Variants in AP4M1 observed in about 807,000 individuals in gnomAD.
The protein encoded by AP4M1 is AP-4 complex subunit mu-1.
In AP4M1, 58 loss-of-function variants were observed where a neutral mutation model predicts 62.4. The observed-to-expected ratio is 0.93, with a 90% CI of 0.75 to 1.16. AP4M1 has a LOEUF of 1.16. Ranked by LOEUF, AP4M1 falls within the 50% of genes most tolerant of loss-of-function variation. The probability of loss-of-function intolerance (pLI) is 0.00; values close to 1 mark genes in which losing one functional copy is unlikely to be tolerated. For missense variants in AP4M1, 626 were observed against 585.4 expected, an observed-to-expected ratio of 1.07 and a Z score of -0.72; for synonymous variants, 290 against 239.7, an observed-to-expected ratio of 1.21 and a Z score of -1.94.
rs771859802 is a variant in AP4M1, at chr7:100,104,899, A to C, written c.632A>C (p.Gln211Pro). The stretch of plus-strand genomic sequence containing the variant: ...GGATCCCTGCTGAAGGTGGATGTGC[A>C]GGGAGAGATTCGGCTCAAGAGCTTC... The part of the protein sequence containing the change: ...SNGSLLKVDV[Q>P]GEIRLKSFLP... Residue 211 changes from glutamine (Q) to proline (P), a missense_variant, in exon 8 of 15, where the codon CAG (glutamine) becomes CCG (proline). Gln to Pro is a moderately conservative substitution (Grantham distance 76, BLOSUM62 -1). Coordinates refer to ENST00000359593, the MANE Select transcript of AP4M1 (RefSeq NM_004722.4). 1.9e-6 allele frequency: 3 copies of C among 1,614,174 alleles called. No homozygotes were observed. In the Admixed American group the frequency reaches 5.0e-5, roughly 27 times the overall value.
At chr7:100,101,802 GCGGAGGGGCC>G in intron 1 of AP4M1, 30 bp downstream of exon 1, 1 of 1,611,444 alleles carries the variant, frequency 6.2e-7, no homozygotes, top group Non-Finnish European at 8.5e-7. Context: ...CTGGGAAGGG[GCGGAGGGGCC>G]GGGCGGGAGG....
In AP4M1 at chr7:100,101,986, G is replaced by T; in HGVS notation, c.147+18G>T. On this transcript the variant is annotated intron_variant, in intron 2 of 14. Coordinates refer to ENST00000359593, the MANE Select transcript of AP4M1 (RefSeq NM_004722.4). ...TTGTCATGGTAACCAGTGGCGGGAG[G>T]CGGGTGAGGAGCGGGGTCCCGTCGG... The T allele has an allele frequency of 6.2e-7, 1 of 1,612,794 alleles. No individual in the cohort carries two copies. Among genetic ancestry groups the T allele is most frequent in the Middle Eastern group, 1.7e-4 (1 of 6,048 alleles).
At chr7:100,103,160 C>G in intron 4 of AP4M1, 200 bp downstream of exon 4, 1 of 646,390 alleles carries the variant, frequency 1.5e-6, no homozygotes, top group Non-Finnish European at 2.7e-6. Flanking sequence ...CAGCCTGGAA[C>G]TCCTGGGCTC....
Position 100,103,393 on chromosome 7 carries a change from C to T in AP4M1, c.352-16C>T. The T allele has an allele frequency of 1.9e-6, 3 of 1,608,226 alleles. No individual in the cohort carries two copies. Among genetic ancestry groups the T allele is most frequent in the Non-Finnish European group, 2.6e-6 (3 of 1,174,778 alleles). On this transcript the variant is annotated splice_polypyrimidine_tract_variant and intron_variant, in intron 4 of 14. Transcript: ENST00000359593. ...CCCTCCACTGATCACTCAGACTGTC[C>T]TTCCTTTACCACTAGGACTATGGCT...
At chr7:100,104,291 GAGA>G in intron 7 of AP4M1, 137 bp downstream of exon 7, 1 of 781,124 alleles carries the variant, frequency 1.3e-6, no homozygotes, top group Non-Finnish European at 2.2e-6. Flanking sequence ...GCCGAGGTGG[GAGA>G]ATTACTTGGG....
At chr7:100,102,396 A>C in intron 2 of AP4M1, 3 of 428,826 alleles carry the variant, frequency 7.0e-6, no homozygotes, top group Non-Finnish European at 1.3e-5. Flanking sequence ...CTCTCGGGGT[A>C]GGTGGGGGTG....
At chr7:100,106,363 G>A (rs1445154932) in intron 13 of AP4M1, 40 bp from the exon 14 acceptor site, 2 of 1,613,020 alleles carry the variant, frequency 1.2e-6, no homozygotes, top group Admixed American at 3.3e-5. Context: ...TCTGCCTCAA[G>A]AAGGTGCCAA....
In AP4M1 at chr7:100,105,362, G is replaced by A. The variant is rs953631200; in HGVS notation, c.834+16G>A. 1 of 1,613,828 alleles carries A rather than the reference G, an allele frequency of 6.2e-7. No homozygotes were observed. Among genetic ancestry groups the A allele is most frequent in the Non-Finnish European group, 8.5e-7 (1 of 1,179,754 alleles). ...TCAGGGCGAGGTCAGGGTTGGGGTG[G>A]CCTCATAAATTCCGTCCACCATGGG... On this transcript the variant is annotated intron_variant, in intron 10 of 14. Coordinates refer to ENST00000359593, the MANE Select transcript of AP4M1 (RefSeq NM_004722.4).
At chr7:100,101,007 C>T, upstream of AP4M1, 4 of 827,352 alleles carry the variant, frequency 4.8e-6, no homozygotes, top group Admixed American at 6.3e-5. Context: ...GCCGGGTTAG[C>T]GCGCCCCCAA....
upstream of AP4M1, chr7:100,101,504 C>A: frequency 1.3e-6 from 1 of 795,126 alleles, no homozygotes; most frequent in Non-Finnish European, 2.1e-6. Context: ...ACCGTGCGGG[C>A]CTAGAATGAG....
At chr7:100,105,374 C>T in intron 10 of AP4M1, 28 bp downstream of exon 10, 1 of 1,613,194 alleles carries the variant, frequency 6.2e-7, no homozygotes, top group Non-Finnish European at 8.5e-7. Context: ...CTCATAAATT[C>T]CGTCCACCAT....
rs1409010600 is a variant in AP4M1 at position 100,105,551 on chromosome 7, T to G, written c.929+12T>G. ...CGAGGCTCAGGCCGGTGAGACAATT[T>G]CCTGGGTTCTAGAACTACCTTGGAA... On this transcript the variant is annotated intron_variant, in intron 11 of 14. Coordinates refer to ENST00000359593, the MANE Select transcript of AP4M1 (RefSeq NM_004722.4). 1 of 1,609,130 alleles carries G rather than the reference T, an allele frequency of 6.2e-7. No individual in the cohort carries two copies. Among genetic ancestry groups the G allele is most frequent in the Non-Finnish European group, 8.5e-7 (1 of 1,177,910 alleles).
Position 100,105,461 on chromosome 7 carries a change from A to G in AP4M1, c.851A>G (p.Tyr284Cys). ...GTCTCTCAGCTGACTGTGATGCGGT[A>G]CCAACTCTCCGATGACCTCCCCTCA... ...PPQGELTVMR[Y>C]QLSDDLPSPL... Residue 284 changes from tyrosine to cysteine, a missense_variant, in exon 11 of 15, where the codon TAC becomes TGC. Coordinates refer to ENST00000359593, the MANE Select transcript of AP4M1 (RefSeq NM_004722.4). 6 of 1,614,100 alleles carry G rather than the reference A, an allele frequency of 3.7e-6. No individual in the cohort carries two copies. Among genetic ancestry groups the G allele is most frequent in the Non-Finnish European group, 5.1e-6 (6 of 1,180,010 alleles).
Position 100,101,962 on chromosome 7 carries a change from TG to T in AP4M1, c.142del (p.Val48SerfsTer33), listed in dbSNP as rs764326593. On this transcript the variant is annotated frameshift_variant, in exon 2 of 15. Coordinates refer to ENST00000359593, the MANE Select transcript of AP4M1 (RefSeq NM_004722.4). LOFTEE classifies it high-confidence loss of function. ...TGLPGDESPVVMHHHGRHFIH... is the reference protein window; with the variant it reads ...TGLPGDESPVXMHHHGRHFIH... Reference sequence around the variant, plus strand: ...GACTGCCAGGAGACGAGTCCCCGGTTGTCATGGTAACCAGTGGCGGGAGGCG... The same window carrying T: ...GACTGCCAGGAGACGAGTCCCCGGTTTCATGGTAACCAGTGGCGGGAGGCG... 1.7e-5 allele frequency: 28 copies of T among 1,613,046 alleles called. No individual in the cohort carries two copies. The highest frequency in any genetic ancestry group is 2.4e-5 in the Non-Finnish European group (28 of 1,179,914).
intron 6 of AP4M1, 137 bp downstream of exon 6, chr7:100,103,829 G>C: frequency 1.1e-6 from 1 of 917,496 alleles, no homozygotes; most frequent in South Asian, 1.3e-5. Flanking sequence ...ATCACCTGAT[G>C]CCAGGAGTTT....
rs1796284845 is a variant in AP4M1 at position 100,104,174 on chromosome 7, C to T, written c.606+20C>T. 8 of 1,608,978 alleles carry T rather than the reference C, an allele frequency of 5.0e-6. No individual in the cohort carries two copies. The highest frequency in any genetic ancestry group is 6.0e-6 in the Non-Finnish European group (7 of 1,175,624). On this transcript the variant is annotated intron_variant, in intron 7 of 14. Coordinates refer to ENST00000359593, the MANE Select transcript of AP4M1 (RefSeq NM_004722.4). ...TCTAATGTAAGTTTGAGCTCCCAAA[C>T]CTGGAGCTGAGGACAGATGGGACTT...
In AP4M1 at chr7:100,106,496, A is replaced by T; in HGVS notation, c.1119A>T (p.Gln373His). ...TGCCTCGGGTGCAAGGAGGCTCTCA[A>T]CTCTCAGGCCTTTTCCAGGTATTCG... ...WDLPRVQGGSQLSGLFQMDVP... is the reference protein window; with the variant it reads ...WDLPRVQGGSHLSGLFQMDVP... Residue 373 changes from glutamine to histidine, a missense_variant, in exon 14 of 15, where the codon CAA (glutamine) becomes CAT (histidine). Transcript: ENST00000359593. The T allele has an allele frequency of 6.2e-7, 1 of 1,613,190 alleles. No individual in the cohort carries two copies. Among genetic ancestry groups the T allele is most frequent in the Middle Eastern group, 1.7e-4 (1 of 6,060 alleles).
intron 6 of AP4M1, 107 bp downstream of exon 6, chr7:100,103,799 T>G (rs139906290): frequency 4.0e-6 from 5 of 1,261,922 alleles, no homozygotes; most frequent in Admixed American, 3.7e-5. Context: ...CCCAGCACTT[T>G]GGGAGGCCGA....
upstream of AP4M1, chr7:100,101,538 C>T (rs995259143): frequency 2.5e-6 from 2 of 802,036 alleles, no homozygotes; most frequent in Non-Finnish European, 4.2e-6. Context: ...GTGCGGGCGT[C>T]GGAAGGGAAT....
Sources: allele counts gnomAD v4.1 joint callset, GRCh38; gene constraint gnomAD v4.1.1; transcripts MANE v1.5; gene names NCBI Gene and HGNC (gene_info 2026-07-23, HGNC 2026-07-21).